STK32B: variants seen among roughly 807,000 people sequenced by gnomAD.
STK32B encodes serine/threonine kinase 32B, also known as serine/threonine-protein kinase 32B.
Under a neutral mutation model 52.6 loss-of-function variants are expected in STK32B, and 43 were observed. The observed-to-expected ratio is 0.82, with a 90% CI of 0.64 to 1.05. STK32B has a LOEUF of 1.05. Among genes scored for constraint, STK32B ranks in the 50% least tolerant of loss-of-function variants. The pLI is 0.00. For missense variants in STK32B, 621 were observed against 534.6 expected (o/e 1.16, Z -1.59); for synonymous variants, 238 against 204.3 (o/e 1.17, Z -1.41).
intron 3 of STK32B, among the ~76,000 whole-genome samples, chr4:5,282,361 T>C (rs1560284014): frequency 6.6e-6 from 1 of 152,302 alleles, no homozygotes; most frequent in East Asian, 1.9e-4. Flanking sequence ...TCCATATCTA[T>C]GGGTTCTGCA....
chr4:5,140,343 G>T, intron 2 of STK32B: 1 of 1,234,614 alleles, frequency 8.1e-7, no homozygotes. Context: ...TATTTTTTTT[G>T]AAAAGGTATA....
intron 3 of STK32B, among the ~76,000 whole-genome samples, chr4:5,329,626 G>A (rs1394879077): frequency 6.6e-6 from 1 of 152,146 alleles, no homozygotes; most frequent in East Asian, 1.9e-4. Flanking sequence ...CCAGGGCACT[G>A]TGCACGCCTC....
intron 3 of STK32B, among the ~76,000 whole-genome samples, chr4:5,298,838 C>CAA (rs35531404): frequency 0.024 from 3,227 of 135,592 alleles, 47 homozygotes; most frequent in South Asian, 0.061. Flanking sequence ...CTGGGGTATG[C>CAA]AAAAAAAAAA....
At chr4:5,488,882 CA>C (rs1241537006) in intron 11 of STK32B, among the ~76,000 whole-genome samples, 1 of 151,990 alleles carries the variant, frequency 6.6e-6, no homozygotes, top group African/African-American at 2.4e-5. Flanking sequence ...TTAGACAAAA[CA>C]TTTTTTTCTC....
chr4:5,275,190 C>T (rs1727732155), intron 3 of STK32B, among the ~76,000 whole-genome samples: 1 of 152,008 alleles, frequency 6.6e-6, no homozygotes. Context: ...GAGCAAGGAC[C>T]CCCCCAGTTA....
chr4:5,175,630 C>A (rs577276694), intron 3 of STK32B, among the ~76,000 whole-genome samples: 1 of 152,150 alleles, frequency 6.6e-6, no homozygotes, highest in African/African-American at 2.4e-5. Flanking sequence ...ATTGGTGAAC[C>A]GCAAATGCTG....
intron 11 of STK32B, among the ~76,000 whole-genome samples, chr4:5,477,741 G>A (rs1297254394): frequency 6.6e-6 from 1 of 152,174 alleles, no homozygotes; most frequent in African/African-American, 2.4e-5. Context: ...CCTGATGGTA[G>A]CACGCAGCAC....
intron 4 of STK32B, among the ~76,000 whole-genome samples, chr4:5,340,022 A>AC (rs1053871963): frequency 7.2e-5 from 11 of 152,336 alleles, no homozygotes; most frequent in African/African-American, 2.6e-4. Context: ...TAGTGACTTC[A>AC]ATAGTGCCCA....
At chr4:5,170,222 G>A (rs1045420062) in intron 3 of STK32B, among the ~76,000 whole-genome samples, 1 of 152,188 alleles carries the variant, frequency 6.6e-6, no homozygotes, top group Non-Finnish European at 1.5e-5. Context: ...AAGAAGATCA[G>A]ATGCCTAGTG....
chr4:5,100,329 C>T (rs1301519073), intron 1 of STK32B, among the ~76,000 whole-genome samples: 2 of 145,442 alleles, frequency 1.4e-5, no homozygotes, highest in African/African-American at 2.5e-5. Context: ...TCCCTTCTCC[C>T]TCCCTCCCTC....
chr4:5,186,237 G>A (rs781496040), intron 3 of STK32B, among the ~76,000 whole-genome samples: 1 of 152,088 alleles, frequency 6.6e-6, no homozygotes, highest in African/African-American at 2.4e-5. Flanking sequence ...GTGCTTTCTC[G>A]CAGATCCTGT....
intron 11 of STK32B, among the ~76,000 whole-genome samples, chr4:5,486,996 G>A (rs1318359484): frequency 1.3e-5 from 2 of 152,210 alleles, no homozygotes; most frequent in African/African-American, 2.4e-5. Context: ...GTCATTTACT[G>A]TATTTCAGTT....
chr4:5,033,768 G>A, the STK32B span, among the ~76,000 whole-genome samples: 1 of 152,168 alleles, frequency 6.6e-6, no homozygotes, highest in African/African-American at 2.4e-5. Flanking sequence ...TACTTGAAAC[G>A]CTGAGGCTGG....
At chr4:5,150,045 T>A (rs1036865397) in intron 2 of STK32B, among the ~76,000 whole-genome samples, 5 of 152,038 alleles carry the variant, frequency 3.3e-5, no homozygotes, top group African/African-American at 1.2e-4. Flanking sequence ...AGATTTTGTC[T>A]TGTTGTCATC....
At chr4:5,410,480 T>A (rs147842696) in intron 5 of STK32B, among the ~76,000 whole-genome samples, 147 of 152,254 alleles carry the variant, frequency 9.7e-4, no homozygotes, top group African/African-American at 3.3e-3. Context: ...GGGAGCAATA[T>A]TTGCACCCAC....
At chr4:5,055,364 C>G (rs1741961280) in intron 1 of STK32B, among the ~76,000 whole-genome samples, 1 of 151,916 alleles carries the variant, frequency 6.6e-6, no homozygotes, top group Non-Finnish European at 1.5e-5. Context: ...CTTGCCTTCT[C>G]CATCACTACC....
intron 1 of STK32B, among the ~76,000 whole-genome samples, chr4:5,054,063 A>G (rs1390165829): frequency 6.6e-6 from 1 of 152,132 alleles, no homozygotes; most frequent in African/African-American, 2.4e-5. Flanking sequence ...CCAGTGAAAC[A>G]TTAACTTGTT....
rs78590466 is a variant in STK32B at position 5,250,844 on chromosome 4, T to G, written c.261-80376T>G. ...TGTTGAACATTTTTTCATATGCTTG[T>G]TGGTCGTGTGTATGTCTTTTGAAAA... On this transcript the variant is annotated intron_variant, in intron 3 of 11. Coordinates refer to ENST00000282908, the MANE Select transcript of STK32B (RefSeq NM_018401.3). Among the ~76,000 whole-genome samples the G allele has an allele frequency of 8.1e-3, 1,227 of 152,334 alleles. 22 individuals carry two copies. The highest frequency in any genetic ancestry group is 0.021 in the African/African-American group (893 of 41,580).
chr4:5,025,334 G>A, the STK32B span, among the ~76,000 whole-genome samples: 1 of 152,056 alleles, frequency 6.6e-6, no homozygotes, highest in Non-Finnish European at 1.5e-5. Context: ...GTCCAGGGGG[G>A]AGGTGGAACG....
Sources: gnomAD v4.1 joint callset for allele counts (sites outside exome capture counted in the v4.1 genomes callset) on GRCh38, gnomAD v4.1.1 for gene constraint, MANE v1.5 for transcripts, NCBI Gene and HGNC (gene_info 2026-07-23, HGNC 2026-07-21) for gene names.